BRAF: variants seen among roughly 807,000 people sequenced by gnomAD.
The protein encoded by BRAF is serine/threonine-protein kinase B-raf.
A neutral mutation model predicts 104.6 loss-of-function variants in BRAF; 16 were observed. The ratio of observed to expected loss-of-function variants is 0.15; its 90% CI spans 0.10 to 0.23. The LOEUF (loss-of-function observed/expected upper bound fraction) is 0.23, where lower values mean the gene tolerates loss of function less well. BRAF is among the 10% of genes least tolerant of loss of function. The pLI, the probability that BRAF is intolerant of heterozygous loss-of-function variation, is 1.00. For missense variants in BRAF, 541 were observed against 937.3 expected, an observed-to-expected ratio of 0.58 and a Z score of 5.52; for synonymous variants, 310 against 341.6, an observed-to-expected ratio of 0.91 and a Z score of 1.02.
At position 140,724,928 on chromosome 7, in the gene BRAF, T is replaced by C. The variant is rs1382145509; in HGVS notation, c.*1566A>G. Reference sequence around the variant, plus strand: ...CTTTAATAAAGGCCAAAGGAAGCTATAACTAGGTTATATTTTCCATTTGTG... The same window carrying C: ...CTTTAATAAAGGCCAAAGGAAGCTACAACTAGGTTATATTTTCCATTTGTG... On this transcript the variant is annotated 3_prime_UTR_variant, in exon 20 of 20. Coordinates refer to ENST00000644969, the MANE Select transcript of BRAF (RefSeq NM_001374258.1). 9.6e-7 allele frequency: 1 copy of C among 1,040,784 alleles called. No individual in the cohort carries two copies. Among genetic ancestry groups the C allele is most frequent in the Non-Finnish European group, 1.2e-6 (1 of 863,796 alleles). The allele number at this position is 1,040,784 out of a possible 1,614,324, so 64.5% of individuals were successfully genotyped here. A position where few individuals can be genotyped will look rare whatever the true frequency, so the allele number is the denominator to read the frequency against.
At chr7:140,781,770 C>T (rs1800900530) in intron 11 of BRAF, 77 bp from the exon 11 acceptor site, 2 of 1,167,954 alleles carry the variant, frequency 1.7e-6, no homozygotes, top group Non-Finnish European at 2.6e-6. Flanking sequence ...AAGTACATTA[C>T]CTTATGCCTG....
chr7:140,866,752 T>C (rs1256475552), intron 1 of BRAF, among the ~76,000 whole-genome samples: 1 of 152,116 alleles, frequency 6.6e-6, no homozygotes, highest in African/African-American at 2.4e-5. Context: ...CTAGTGTAAG[T>C]AATGAATTAT....
At chr7:140,736,568 C>G (rs1428634045) in intron 18 of BRAF, among the ~76,000 whole-genome samples, 1 of 151,918 alleles carries the variant, frequency 6.6e-6, no homozygotes, top group Non-Finnish European at 1.5e-5. Flanking sequence ...GCTGGGATTA[C>G]AGGCATGTGC....
chr7:140,885,140 C>T (rs1027182130), intron 1 of BRAF, among the ~76,000 whole-genome samples: 5 of 151,952 alleles, frequency 3.3e-5, no homozygotes, highest in Admixed American at 6.6e-5. Context: ...ATTACAGGGA[C>T]GGATTACAGG....
chr7:140,862,203 G>GA (rs994992867), intron 1 of BRAF, among the ~76,000 whole-genome samples: 9 of 152,128 alleles, frequency 5.9e-5, no homozygotes, highest in African/African-American at 1.9e-4. Flanking sequence ...TGGGCAAGGA[G>GA]AAAACTGAAA....
intron 17 of BRAF, among the ~76,000 whole-genome samples, chr7:140,741,870 T>G (rs550785961): frequency 6.6e-6 from 1 of 151,838 alleles, no homozygotes; most frequent in Non-Finnish European, 1.5e-5. Flanking sequence ...AGGCAAGGAA[T>G]TGATTGAACC....
intron 2 of BRAF, among the ~76,000 whole-genome samples, chr7:140,845,355 G>T (rs970297810): frequency 1.3e-5 from 2 of 151,980 alleles, no homozygotes; most frequent in Non-Finnish European, 2.9e-5. Flanking sequence ...GCAACAAAAA[G>T]AAAAATAGAT....
intron 7 of BRAF, 44 bp downstream of exon 7, chr7:140,800,318 C>T (rs372663526): frequency 2.6e-5 from 42 of 1,612,838 alleles, no homozygotes; most frequent in Middle Eastern, 1.7e-4. Context: ...CAAAAGAAAG[C>T]GGTTCAAGTA....
At chr7:140,754,006 G>T in intron 15 of BRAF, 181 bp downstream of exon 14, 1 of 653,554 alleles carries the variant, frequency 1.5e-6, no homozygotes, top group Non-Finnish European at 2.7e-6. Flanking sequence ...CAGTTGTCGA[G>T]AAACCAAAAG....
At chr7:140,828,207 G>C (rs997680060) in intron 3 of BRAF, among the ~76,000 whole-genome samples, 1 of 152,004 alleles carries the variant, frequency 6.6e-6, no homozygotes, top group African/African-American at 2.4e-5. Context: ...TTTGTATTTC[G>C]TGTGATTTTC....
chr7:140,789,382 A>G (rs960392996), intron 8 of BRAF, among the ~76,000 whole-genome samples: 1 of 152,206 alleles, frequency 6.6e-6, no homozygotes, highest in Non-Finnish European at 1.5e-5. Context: ...AATATCTCTG[A>G]ATAGTCTCTG....
intron 7 of BRAF, among the ~76,000 whole-genome samples, chr7:140,794,668 C>T (rs1376926558): frequency 6.6e-6 from 1 of 152,106 alleles, no homozygotes; most frequent in African/African-American, 2.4e-5. Flanking sequence ...AGTAGGCCCT[C>T]CAGGAACTAT....
At chr7:140,872,216 A>AAAATAAAT (rs143275817) in intron 1 of BRAF, among the ~76,000 whole-genome samples, 2,726 of 130,190 alleles carry the variant, frequency 0.021, 87 homozygotes, top group African/African-American at 0.073. Flanking sequence ...ACTCCATCTC[A>AAAATAAAT]AAATAAATAA....
At chr7:140,736,171 AGCGATTCTCCT>A (rs1426678908) in intron 18 of BRAF, among the ~76,000 whole-genome samples, 1 of 150,776 alleles carries the variant, frequency 6.6e-6, no homozygotes, top group East Asian at 2.0e-4. Flanking sequence ...CCCAGGTTCA[AGCGATTCTCCT>A]GCCTCAGCCT....
At chr7:140,734,065 T>C in intron 19 of BRAF, 2 of 1,039,054 alleles carry the variant, frequency 1.9e-6, no homozygotes, top group Non-Finnish European at 2.3e-6. Flanking sequence ...ACATCCACAT[T>C]TTCCAAATTG....
At position 140,726,077 on chromosome 7, in the gene BRAF, T is replaced by C. The variant is rs1310660551; in HGVS notation, c.*417A>G. ...CAGGAAAGAGAACGATGCTTGGTGA[T>C]TGAAACTGCCCCATCAGATGATCAG... On this transcript the variant is annotated 3_prime_UTR_variant, in exon 20 of 20. Coordinates refer to ENST00000644969, the MANE Select transcript of BRAF (RefSeq NM_001374258.1). 4 of 1,082,336 alleles carry C rather than the reference T, an allele frequency of 3.7e-6. No homozygotes were observed. The African/African-American group carries it at 6.5e-5, about 18-fold the overall frequency. The allele number at this position is 1,082,336 out of a possible 1,614,324, so 67.0% of individuals were successfully genotyped here. A position where few individuals can be genotyped will look rare whatever the true frequency, so the allele number is the denominator to read the frequency against.
intron 2 of BRAF, among the ~76,000 whole-genome samples, chr7:140,848,036 C>G (rs1808763738): frequency 6.6e-6 from 1 of 152,130 alleles, no homozygotes; most frequent in Admixed American, 6.5e-5. Context: ...TGCTGTCCTA[C>G]TCAGATTTAA....
chr7:140,750,788 CTTTTT>C (rs57413482), intron 16 of BRAF, among the ~76,000 whole-genome samples: 1 of 149,184 alleles, frequency 6.7e-6, no homozygotes, highest in Non-Finnish European at 1.5e-5. Context: ...ATCAGATGAA[CTTTTT>C]TTTTTTAATT....
intron 1 of BRAF, among the ~76,000 whole-genome samples, chr7:140,866,972 C>T (rs914525307): frequency 6.6e-5 from 10 of 152,170 alleles, no homozygotes; most frequent in African/African-American, 2.2e-4. Context: ...TGTGCTTTGT[C>T]CCTTTGAAAA....
Sources: gnomAD v4.1 joint callset for allele counts (sites outside exome capture counted in the v4.1 genomes callset) on GRCh38, gnomAD v4.1.1 for gene constraint, MANE v1.5 for transcripts, NCBI Gene and HGNC (gene_info 2026-07-23, HGNC 2026-07-21) for gene names.